The following BHMT variants were observed in gnomAD, a reference collection of about 807,000 sequenced individuals.
BHMT encodes betaine--homocysteine S-methyltransferase 1.
BHMT carries 38 observed loss-of-function variants against 49.5 expected under a neutral mutation model. The ratio of observed to expected loss-of-function variants is 0.77; its 90% CI spans 0.59 to 1.01. BHMT has a LOEUF of 1.01. Among genes scored for constraint, BHMT ranks in the 50% least tolerant of loss-of-function variants. The probability of loss-of-function intolerance (pLI) is 0.00; values close to 1 mark genes in which losing one functional copy is unlikely to be tolerated. For synonymous variants in BHMT, 166 were observed against 176.3 expected, an observed-to-expected ratio of 0.94 and a Z score of 0.46; for missense variants, 426 against 495.7, an observed-to-expected ratio of 0.86 and a Z score of 1.34.
At chr5:79,126,826 A>T (rs925534999) in intron 6 of BHMT, among the ~76,000 whole-genome samples, 2 of 152,146 alleles carry the variant, frequency 1.3e-5, no homozygotes, top group African/African-American at 2.4e-5. Flanking sequence ...CTTTCCCAGC[A>T]TGATTGGGAA....
intron 2 of BHMT, among the ~76,000 whole-genome samples, chr5:79,117,761 T>C (rs1756408393): frequency 6.6e-6 from 1 of 152,240 alleles, no homozygotes; most frequent in Non-Finnish European, 1.5e-5. Context: ...TTGGATTTCA[T>C]AAACCTCTGA....
chr5:79,116,649 T>C (rs1756389227), intron 2 of BHMT, among the ~76,000 whole-genome samples: 1 of 152,204 alleles, frequency 6.6e-6, no homozygotes, highest in African/African-American at 2.4e-5. Context: ...GAGTTTGCTG[T>C]GGAATTTTAA....
intron 1 of BHMT, among the ~76,000 whole-genome samples, chr5:79,113,961 G>A (rs1293796055): frequency 5.3e-5 from 8 of 151,948 alleles, no homozygotes; most frequent in South Asian, 2.1e-4. Context: ...AAACACACAC[G>A]TTCAATGGGA....
chr5:79,125,743 G>A (rs1304944862), intron 5 of BHMT, among the ~76,000 whole-genome samples: 1 of 152,028 alleles, frequency 6.6e-6, no homozygotes, highest in Non-Finnish European at 1.5e-5. Flanking sequence ...ACCAGCCTGG[G>A]CAACATGGCG....
At chr5:79,115,460 A>G (rs1177585785) in intron 1 of BHMT, among the ~76,000 whole-genome samples, 1 of 151,926 alleles carries the variant, frequency 6.6e-6, no homozygotes, top group East Asian at 1.9e-4. Flanking sequence ...AAATCTTTTC[A>G]TTTAATCCCT....
chr5:79,114,130 A>G (rs971134973), intron 1 of BHMT, among the ~76,000 whole-genome samples: 13 of 148,900 alleles, frequency 8.7e-5, no homozygotes, highest in African/African-American at 2.9e-4. Context: ...TATATATATT[A>G]TTGTTGTTGT....
At chr5:79,124,138 G>A (rs892387087) in intron 5 of BHMT, among the ~76,000 whole-genome samples, 1 of 152,032 alleles carries the variant, frequency 6.6e-6, no homozygotes, top group Non-Finnish European at 1.5e-5. Flanking sequence ...GCTAGCAGAA[G>A]GGGAAAATAA....
At chr5:79,117,811 A>T (rs1756409225) in intron 2 of BHMT, among the ~76,000 whole-genome samples, 1 of 152,220 alleles carries the variant, frequency 6.6e-6, no homozygotes, top group African/African-American at 2.4e-5. Flanking sequence ...TATTAATAGC[A>T]TGCTGATTTC....
At chr5:79,113,011 A>G (rs1412991690) in intron 1 of BHMT, among the ~76,000 whole-genome samples, 4 of 152,232 alleles carry the variant, frequency 2.6e-5, no homozygotes, top group Admixed American at 6.5e-5. Flanking sequence ...ACAGTGAGAA[A>G]GGTCCAGCTC....
At chr5:79,126,277 A>G (rs1313674352) in intron 6 of BHMT, 49 bp downstream of exon 6, 7 of 1,578,398 alleles carry the variant, frequency 4.4e-6, no homozygotes, top group Non-Finnish European at 6.1e-6. Flanking sequence ...TTTGATATGC[A>G]TATAAACTCA....
At chr5:79,112,655 G>T (rs1272466517) in intron 1 of BHMT, among the ~76,000 whole-genome samples, 1 of 152,248 alleles carries the variant, frequency 6.6e-6, no homozygotes, top group African/African-American at 2.4e-5. Flanking sequence ...AATGGGCAGA[G>T]TGGCTGTAAG....
chr5:79,131,044 G>A lies in BHMT; in HGVS notation c.1149G>A (p.Met383Ile), dbSNP rs748007994. 6.2e-6 allele frequency: 10 copies of A among 1,613,896 alleles called. No homozygotes were observed. The highest frequency in any genetic ancestry group is 2.2e-5 in the South Asian group (2 of 91,064). Residue 383 changes from methionine (M) to isoleucine (I), a missense_variant, in exon 8 of 8, where the codon ATG becomes ATA. This residue lies in a region of BHMT where 73 missense variants were observed against 68.3 expected (regional missense o/e 1.07). Transcript: ENST00000274353. Reference sequence around the variant, plus strand: ...TGACCAAAGGAACAGCCGAGCTGATGCAGCAGAAAGAAGCCACAACTGAGC... The same window carrying A: ...TGACCAAAGGAACAGCCGAGCTGATACAGCAGAAAGAAGCCACAACTGAGC... ...WGVTKGTAEL[M>I]QQKEATTEQQ...
At position 79,131,172 on chromosome 5, in the gene BHMT, A is replaced by C; in HGVS notation, c.*56A>C. 1 of 1,523,582 alleles carries C rather than the reference A, an allele frequency of 6.6e-7. No homozygotes were observed. The highest frequency in any genetic ancestry group is 1.3e-5 in the South Asian group (1 of 78,286). 94.4% of individuals were successfully genotyped at this position (1,523,582 alleles called of 1,614,324 possible). Reference sequence around the variant, plus strand: ...TAGGTGTTTGGGTCACAGTTCCTACAAATACGGAAAAGGGGGTTAAAAAGC... The same window carrying C: ...TAGGTGTTTGGGTCACAGTTCCTACCAATACGGAAAAGGGGGTTAAAAAGC... On this transcript the variant is annotated 3_prime_UTR_variant, in exon 8 of 8. Transcript: ENST00000274353.
At chr5:79,128,670 T>C (rs1756592323) in intron 7 of BHMT, among the ~76,000 whole-genome samples, 1 of 152,196 alleles carries the variant, frequency 6.6e-6, no homozygotes, top group African/African-American at 2.4e-5. Context: ...AAGGACCACT[T>C]AAGTATAGCT....
chr5:79,118,832 C>A (rs1033858346), intron 2 of BHMT, among the ~76,000 whole-genome samples: 3 of 152,184 alleles, frequency 2.0e-5, no homozygotes, highest in African/African-American at 7.2e-5. Flanking sequence ...TCCTTCGCCC[C>A]CTTGCCCCAT....
At position 79,132,117 on chromosome 5, in the gene BHMT, C is replaced by A. The variant is rs751556358; in HGVS notation, c.*1001C>A. ...ATATTTTTCTCTGATAATTTAATATCTACTCTCCTACAAAAGCTCAAGCCT... is the reference window on the plus strand; with the variant it reads ...ATATTTTTCTCTGATAATTTAATATATACTCTCCTACAAAAGCTCAAGCCT... On this transcript the variant is annotated 3_prime_UTR_variant, in exon 8 of 8. Coordinates refer to ENST00000274353, the MANE Select transcript of BHMT (RefSeq NM_001713.3). 6.6e-5 allele frequency: 10 copies of A among 152,182 alleles called. No individual in the cohort carries two copies. The highest frequency in any genetic ancestry group is 1.3e-4 in the Admixed American group (2 of 15,278). The allele number at this position is 152,182 out of a possible 1,614,324, so 9.4% of individuals were successfully genotyped here. A position where few individuals can be genotyped will look rare whatever the true frequency, so the allele number is the denominator to read the frequency against.
chr5:79,121,262 G>A lies in BHMT; in HGVS notation c.522G>A (p.Leu174=), dbSNP rs762223954. Residue 174 remains leucine, a synonymous_variant, in exon 5 of 8, where the codon TTG becomes TTA. Transcript: ENST00000274353. The part of the protein sequence containing the change: ...VEEAVWAVET[L]IASGKPVAAT... Reference sequence around the variant, plus strand: ...AAGCTGTGTGGGCAGTTGAAACCTTGATAGCATCCGGTAAACCTGTGGCAG... The same window carrying A: ...AAGCTGTGTGGGCAGTTGAAACCTTAATAGCATCCGGTAAACCTGTGGCAG... 3 of 1,614,158 alleles carry A rather than the reference G, an allele frequency of 1.9e-6. No individual in the cohort carries two copies. In the East Asian group the frequency reaches 6.7e-5, roughly 36 times the overall value.
chr5:79,125,899 C>T (rs529744796), intron 5 of BHMT, 147 bp from the exon 6 acceptor site: 27 of 738,190 alleles, frequency 3.7e-5, no homozygotes, highest in African/African-American at 7.1e-5. Flanking sequence ...GCTGAGATCA[C>T]GCTACTGCAC....
Position 79,111,918 on chromosome 5 carries a change from G to T in BHMT, c.33G>T (p.Lys11Asn), listed in dbSNP as rs773534531. Residue 11 changes from lysine to asparagine, a missense_variant and splice_region_variant, in exon 1 of 8, where the codon AAG (lysine) becomes AAT (asparagine). Transcript: ENST00000274353. MPPVGGKKAKKGILERLNAGE... is the reference protein window; with the variant it reads MPPVGGKKAKNGILERLNAGE... The stretch of plus-strand genomic sequence containing the variant: ...CCGTTGGGGGCAAAAAGGCCAAGAA[G>T]GTGAGTCTCCAGGGGACCCGAGGGC... The T allele has an allele frequency of 6.2e-6, 10 of 1,607,294 alleles. No individual in the cohort carries two copies. In the South Asian group the frequency reaches 8.9e-5, roughly 14 times the overall value.
Sources: gnomAD v4.1 joint callset for allele counts (sites outside exome capture counted in the v4.1 genomes callset) on GRCh38, gnomAD v4.1.1 for gene constraint, gnomAD v4.1.1 regional missense constraint, MANE v1.5 for transcripts, NCBI Gene and HGNC (gene_info 2026-07-23, HGNC 2026-07-21) for gene names.